TANC2: variants seen among roughly 807,000 people sequenced by gnomAD.
TANC2 encodes tetratricopeptide repeat, ankyrin repeat and coiled-coil containing 2, also known as protein TANC2.
A neutral mutation model predicts 210.5 loss-of-function variants in TANC2; 26 were observed. The observed-to-expected ratio is 0.12, with a 90% CI of 0.09 to 0.17. The LOEUF (loss-of-function observed/expected upper bound fraction) is 0.17. Among genes scored for constraint, TANC2 ranks in the 10% least tolerant of loss-of-function variants. TANC2 has a pLI of 1.00. For synonymous variants in TANC2, 931 were observed against 967.1 expected (o/e 0.96, Z 0.69); for missense variants, 2,129 against 2,608.9 (o/e 0.82, Z 4.01).
chr17:63,281,776 G>A (rs956015097), intron 9 of TANC2, among the ~76,000 whole-genome samples: 7 of 151,954 alleles, frequency 4.6e-5, no homozygotes, highest in African/African-American at 1.7e-4. Context: ...ATCCAATGAC[G>A]GTATTTTTTA....
At chr17:63,069,832 T>C (rs917958581) in intron 2 of TANC2, among the ~76,000 whole-genome samples, 3 of 152,198 alleles carry the variant, frequency 2.0e-5, no homozygotes, top group Non-Finnish European at 4.4e-5. Context: ...AAACTTCTTA[T>C]AAATAATTAC....
intron 9 of TANC2, among the ~76,000 whole-genome samples, chr17:63,269,441 A>C (rs889382324): frequency 6.6e-6 from 1 of 152,176 alleles, no homozygotes; most frequent in African/African-American, 2.4e-5. Flanking sequence ...CGTAATAAAG[A>C]AGATTGGACA....
chr17:63,093,330 A>G (rs934669791), intron 3 of TANC2, among the ~76,000 whole-genome samples: 2 of 151,678 alleles, frequency 1.3e-5, no homozygotes, highest in Non-Finnish European at 2.9e-5. Context: ...GTGTTTTTGC[A>G]TTTGGAGGTC....
intron 2 of TANC2, among the ~76,000 whole-genome samples, chr17:63,024,007 T>C (rs745491528): frequency 5.9e-5 from 9 of 152,224 alleles, no homozygotes; most frequent in Admixed American, 1.3e-4. Context: ...TTTATTGTTG[T>C]TTTAATATTA....
chr17:63,256,765 T>G (rs2043207225), intron 8 of TANC2, among the ~76,000 whole-genome samples: 1 of 152,180 alleles, frequency 6.6e-6, no homozygotes, highest in African/African-American at 2.4e-5. Flanking sequence ...TGCTCCAGTG[T>G]TAGGTGCATA....
chr17:63,379,389 A>G (rs1030514767), intron 14 of TANC2, among the ~76,000 whole-genome samples: 1 of 152,180 alleles, frequency 6.6e-6, no homozygotes, highest in Non-Finnish European at 1.5e-5. Context: ...TAACATTTCT[A>G]TTAAAATGAA....
intron 8 of TANC2, among the ~76,000 whole-genome samples, chr17:63,251,953 G>A (rs1414635927): frequency 1.3e-5 from 2 of 152,140 alleles, no homozygotes; most frequent in East Asian, 3.8e-4. Context: ...TATTTCAATA[G>A]TAAAGATTAG....
chr17:63,070,028 T>C (rs2036338733), intron 2 of TANC2, among the ~76,000 whole-genome samples: 1 of 152,230 alleles, frequency 6.6e-6, no homozygotes, highest in African/African-American at 2.4e-5. Flanking sequence ...TGTAAAATAC[T>C]TGTTTACAGA....
At chr17:62,995,735 C>T (rs1433696692) in intron 1 of TANC2, among the ~76,000 whole-genome samples, 1 of 152,204 alleles carries the variant, frequency 6.6e-6, no homozygotes, top group Non-Finnish European at 1.5e-5. Context: ...GCCCTCCAGT[C>T]TTGAAAGAGA....
chr17:62,980,891 A>G (rs1248567133), intron 1 of TANC2, among the ~76,000 whole-genome samples: 1 of 152,068 alleles, frequency 6.6e-6, no homozygotes, highest in East Asian at 1.9e-4. Flanking sequence ...TTTTCCAACT[A>G]GCTGAGTTCC....
intron 5 of TANC2, chr17:63,153,058 C>T (rs1008910332): frequency 2.0e-5 from 3 of 152,096 alleles, no homozygotes; most frequent in Non-Finnish European, 4.4e-5. Context: ...TAGTGATTTG[C>T]TCATCTCTAA....
At chr17:63,309,191 TAGTG>T (rs1375525391) in intron 9 of TANC2, among the ~76,000 whole-genome samples, 1 of 151,692 alleles carries the variant, frequency 6.6e-6, no homozygotes, top group East Asian at 1.9e-4. Context: ...ATGTATGTGT[TAGTG>T]TGTGTGTGTT....
chr17:63,145,484 T>A (rs767778953), intron 4 of TANC2, among the ~76,000 whole-genome samples: 7 of 152,192 alleles, frequency 4.6e-5, no homozygotes, highest in Non-Finnish European at 8.8e-5. Flanking sequence ...TCTACTTCTT[T>A]ACAATTCTAT....
chr17:63,066,440 G>A (rs1017461923), intron 2 of TANC2, among the ~76,000 whole-genome samples: 5 of 152,114 alleles, frequency 3.3e-5, no homozygotes, highest in African/African-American at 1.2e-4. Flanking sequence ...TGGGGCAGGC[G>A]TGGAGGCTAG....
intron 1 of TANC2, among the ~76,000 whole-genome samples, chr17:62,970,829 G>T (rs986998996): frequency 6.6e-6 from 1 of 152,206 alleles, no homozygotes; most frequent in African/African-American, 2.4e-5. Context: ...ACAATATGCA[G>T]ATTTTAATTC....
At chr17:63,107,134 A>C (rs2037857391) in intron 4 of TANC2, among the ~76,000 whole-genome samples, 1 of 151,694 alleles carries the variant, frequency 6.6e-6, no homozygotes, top group Non-Finnish European at 1.5e-5. Context: ...GAAGAAAAAC[A>C]ATAAGAAAAA....
chr17:63,373,877 A>G (rs1022454882), intron 14 of TANC2, among the ~76,000 whole-genome samples: 11 of 152,212 alleles, frequency 7.2e-5, no homozygotes, highest in African/African-American at 2.2e-4. Flanking sequence ...GCTACTTGGG[A>G]GGCTGAGGCA....
chr17:63,071,307 A>T (rs1188657966), intron 2 of TANC2, among the ~76,000 whole-genome samples: 2 of 151,878 alleles, frequency 1.3e-5, no homozygotes, highest in Non-Finnish European at 2.9e-5. Context: ...TTTTTTAAAG[A>T]GTCAAGGTCT....
intron 4 of TANC2, chr17:63,117,216 C>G (rs1598423036): frequency 6.6e-6 from 1 of 152,240 alleles, no homozygotes; most frequent in Admixed American, 6.5e-5. Flanking sequence ...GAAGAACATC[C>G]GTGAATCATT....
Sources: allele counts gnomAD v4.1 joint callset (sites outside exome capture counted in the v4.1 genomes callset), GRCh38; gene constraint gnomAD v4.1.1; transcripts MANE v1.5; gene names NCBI Gene and HGNC (gene_info 2026-07-23, HGNC 2026-07-21).